The following CAMTA1 variants were observed in gnomAD, a reference collection of about 807,000 sequenced individuals.
CAMTA1 encodes calmodulin-binding transcription activator 1.
A neutral mutation model predicts 170.9 loss-of-function variants in CAMTA1; 27 were observed. That is an observed-to-expected ratio of 0.16 (90% CI 0.12 to 0.22). CAMTA1 has a LOEUF of 0.22. Ranked by LOEUF, CAMTA1 falls within the 10% of genes least tolerant of loss-of-function variation. The probability of loss-of-function intolerance (pLI) is 1.00; values close to 1 mark genes in which losing one functional copy is unlikely to be tolerated. For synonymous variants in CAMTA1, 833 were observed against 891.5 expected (o/e 0.93, Z 1.17); for missense variants, 1,619 against 2,217.2 (o/e 0.73, Z 5.42).
intron 4 of CAMTA1, among the ~76,000 whole-genome samples, chr1:7,229,530 G>A (rs1414649193): frequency 1.1e-5 from 1 of 91,738 alleles, no homozygotes; most frequent in African/African-American, 4.4e-5. Flanking sequence ...GGGGTGAGGA[G>A]GGGAGGATTG....
chr1:7,072,232 A>G (rs1243594245), intron 3 of CAMTA1, among the ~76,000 whole-genome samples: 1 of 152,202 alleles, frequency 6.6e-6, no homozygotes, highest in Non-Finnish European at 1.5e-5. Context: ...GGGGGCTTAT[A>G]CCATCTTCCT....
intron 3 of CAMTA1, among the ~76,000 whole-genome samples, chr1:6,962,516 T>C (rs1366564406): frequency 6.6e-6 from 1 of 151,096 alleles, no homozygotes; most frequent in South Asian, 2.1e-4. Flanking sequence ...GTTTCCTTTA[T>C]GGACCTGCCC....
intron 3 of CAMTA1, among the ~76,000 whole-genome samples, chr1:7,002,461 T>C (rs1373600095): frequency 6.6e-6 from 1 of 152,232 alleles, no homozygotes; most frequent in Non-Finnish European, 1.5e-5. Context: ...CATTGAGGTC[T>C]GTTTAAATTG....
chr1:7,241,785 C>G (rs892266362), intron 4 of CAMTA1, among the ~76,000 whole-genome samples: 5 of 152,118 alleles, frequency 3.3e-5, no homozygotes, highest in African/African-American at 1.2e-4. Context: ...TATCTCACAC[C>G]ATATGCAAAA....
chr1:7,337,752 C>A (rs542860897), intron 5 of CAMTA1, among the ~76,000 whole-genome samples: 2 of 152,118 alleles, frequency 1.3e-5, no homozygotes, highest in Admixed American at 6.5e-5. Flanking sequence ...GAGAGCAGAC[C>A]GAGGTTTCCC....
At chr1:7,252,368 G>C (rs956311933) in intron 5 of CAMTA1, among the ~76,000 whole-genome samples, 3 of 152,220 alleles carry the variant, frequency 2.0e-5, no homozygotes, top group African/African-American at 7.2e-5. Flanking sequence ...TGCTATGAAT[G>C]GTCTACCATG....
chr1:7,558,554 G>A (rs1216063083), intron 6 of CAMTA1, among the ~76,000 whole-genome samples: 3 of 152,368 alleles, frequency 2.0e-5, no homozygotes, highest in Admixed American at 1.3e-4. Context: ...TTCCAAAGTT[G>A]CCTGCTCGGA....
intron 5 of CAMTA1, among the ~76,000 whole-genome samples, chr1:7,284,178 T>TCCTTCTCCTTCTCC (rs1671989838): frequency 1.4e-5 from 1 of 69,144 alleles, no homozygotes; most frequent in African/African-American, 6.1e-5. Context: ...CTTCTTCTTC[T>TCCTTCTCCTTCTCC]TATTATTATT....
intron 6 of CAMTA1, among the ~76,000 whole-genome samples, chr1:7,598,894 G>T (rs1179053647): frequency 6.6e-6 from 1 of 152,146 alleles, no homozygotes; most frequent in Non-Finnish European, 1.5e-5. Context: ...TAGGTTGCCT[G>T]TTCACTCTGA....
intron 3 of CAMTA1, among the ~76,000 whole-genome samples, chr1:6,922,518 C>A (rs989793015): frequency 5.3e-5 from 8 of 152,182 alleles, no homozygotes; most frequent in Non-Finnish European, 7.3e-5. Flanking sequence ...GCAGCCAGGG[C>A]TCCTCTGGCA....
intron 3 of CAMTA1, among the ~76,000 whole-genome samples, chr1:6,941,266 G>A (rs190693674): frequency 1.6e-4 from 24 of 152,262 alleles, no homozygotes; most frequent in East Asian, 7.7e-4. Flanking sequence ...GGGCACAGCC[G>A]CACTTGAAGT....
At chr1:7,603,332 A>G (rs991771522) in intron 6 of CAMTA1, among the ~76,000 whole-genome samples, 1 of 152,006 alleles carries the variant, frequency 6.6e-6, no homozygotes, top group Non-Finnish European at 1.5e-5. Flanking sequence ...CTCTTTGTAG[A>G]TCTCTAAGGA....
At chr1:6,929,423 C>T (rs902825210) in intron 3 of CAMTA1, among the ~76,000 whole-genome samples, 3 of 151,280 alleles carry the variant, frequency 2.0e-5, no homozygotes, top group African/African-American at 4.9e-5. Context: ...AGTGCAGTGG[C>T]GTGATCTCAG....
At chr1:7,419,328 T>C (rs1009986165) in intron 5 of CAMTA1, among the ~76,000 whole-genome samples, 5 of 152,156 alleles carry the variant, frequency 3.3e-5, no homozygotes, top group Non-Finnish European at 5.9e-5. Context: ...GCTAATTTTT[T>C]GTATTTTTAG....
intron 5 of CAMTA1, among the ~76,000 whole-genome samples, chr1:7,424,889 G>A (rs532825490): frequency 1.8e-4 from 27 of 152,174 alleles, no homozygotes; most frequent in South Asian, 1.0e-3. Flanking sequence ...TCATGGTGGC[G>A]CTCATCCTCC....
intron 6 of CAMTA1, among the ~76,000 whole-genome samples, chr1:7,624,016 G>C (rs1004059477): frequency 6.6e-6 from 1 of 152,240 alleles, no homozygotes; most frequent in Non-Finnish European, 1.5e-5. Flanking sequence ...TTTTTGAACG[G>C]TGCTGTTCTG....
At chr1:7,200,093 A>C (rs1656371178) in intron 4 of CAMTA1, among the ~76,000 whole-genome samples, 1 of 152,248 alleles carries the variant, frequency 6.6e-6, no homozygotes, top group Admixed American at 6.5e-5. Context: ...TACAAGTACC[A>C]TTTGTATATC....
chr1:6,984,348 G>A (rs1175743597), intron 3 of CAMTA1, among the ~76,000 whole-genome samples: 3 of 152,040 alleles, frequency 2.0e-5, no homozygotes, highest in Non-Finnish European at 4.4e-5. Flanking sequence ...GCAGCACATT[G>A]CCTGTTGCAA....
intron 3 of CAMTA1, among the ~76,000 whole-genome samples, chr1:6,989,109 G>C (rs1009332319): frequency 3.3e-5 from 5 of 152,170 alleles, no homozygotes; most frequent in Non-Finnish European, 7.3e-5. Flanking sequence ...GCAGAGCCAG[G>C]TTCCAGCCCT....
Sources: gnomAD v4.1 joint callset for allele counts (sites outside exome capture counted in the v4.1 genomes callset) on GRCh38, gnomAD v4.1.1 for gene constraint, MANE v1.5 for transcripts, NCBI Gene and HGNC (gene_info 2026-07-23, HGNC 2026-07-21) for gene names.